PYDC1: variants seen among roughly 807,000 people sequenced by gnomAD.
PYDC1 encodes pyrin domain-containing protein 1.
Under a neutral mutation model 0.7 loss-of-function variants are expected in PYDC1, and 1 was observed. The ratio of observed to expected loss-of-function variants is 1.39; its 90% CI spans 0.49 to 6.61. The LOEUF (loss-of-function observed/expected upper bound fraction) is 6.61. PYDC1 is among the 30% of genes most tolerant of loss of function. The pLI, the probability that PYDC1 is intolerant of heterozygous loss-of-function variation, is 0.14. For missense variants in PYDC1, 129 were observed against 124.8 expected, an observed-to-expected ratio of 1.03 and a Z score of -0.16; for synonymous variants, 37 against 60.9, an observed-to-expected ratio of 0.61 and a Z score of 1.83.
Position 31,216,694 on chromosome 16 carries a change from C to A in PYDC1, c.*16+49G>T. 1 of 1,538,564 alleles carries A rather than the reference C, an allele frequency of 6.5e-7. No homozygotes were observed. Among genetic ancestry groups the A allele is most frequent in the African/African-American group, 1.4e-5 (1 of 73,772 alleles). On this transcript the variant is annotated intron_variant, in intron 1 of 1. Transcript: ENST00000302964. This position sits in a 1 kb window ranked among gnomAD's most constrained non-coding sequence, Gnocchi z 6.7. Reference sequence around the variant, plus strand: ...CAGGAAGGCTCTGGGCGGGACCTGACGCGTGGGTCCTTGGCGAGGAAGCGG... The same window carrying A: ...CAGGAAGGCTCTGGGCGGGACCTGAAGCGTGGGTCCTTGGCGAGGAAGCGG...
rs1288507691 is a variant in PYDC1 at position 31,216,494 on chromosome 16, A to C, written c.*16+249T>G. On this transcript the variant is annotated intron_variant, in intron 1 of 1. Coordinates refer to ENST00000302964, the MANE Select transcript of PYDC1 (RefSeq NM_152901.4). This position sits in a 1 kb window ranked among gnomAD's most constrained non-coding sequence, Gnocchi z 6.7. Reference sequence around the variant, plus strand: ...CAACCTTGCCCGTCTTTATCTGCGAAGAAAGCACAGAACCCATGAAACGGA... The same window carrying C: ...CAACCTTGCCCGTCTTTATCTGCGACGAAAGCACAGAACCCATGAAACGGA... 2.4e-6 allele frequency: 1 copy of C among 416,620 alleles called. No homozygotes were observed. The highest frequency in any genetic ancestry group is 4.2e-6 in the Non-Finnish European group (1 of 236,300). The allele number at this position is 416,620 out of a possible 1,614,324, so 25.8% of individuals were successfully genotyped here. A position where few individuals can be genotyped will look rare whatever the true frequency, so the allele number is the denominator to read the frequency against.
chr16:31,216,433 CAAAA>C lies in PYDC1; in HGVS notation c.*17-280_*17-277del, dbSNP rs1445346220. On this transcript the variant is annotated intron_variant, in intron 1 of 1. Coordinates refer to ENST00000302964, the MANE Select transcript of PYDC1 (RefSeq NM_152901.4). The surrounding 1 kb of genome is among the most constrained non-coding windows in gnomAD (Gnocchi z 6.7). ...AATCTTGCTGCCGCTAAAAAAAAAACAAAAAACAAACAAACAAAAAAAACCCAAC... is the reference window on the plus strand; with the variant it reads ...AATCTTGCTGCCGCTAAAAAAAAAACAACAAACAAACAAAAAAAACCCAAC... 1 of 332,994 alleles carries C rather than the reference CAAAA, an allele frequency of 3.0e-6. No individual in the cohort carries two copies. The highest frequency in any genetic ancestry group is 2.1e-5 in the African/African-American group (1 of 46,594). The allele number at this position is 332,994 out of a possible 1,614,324, so 20.6% of individuals were successfully genotyped here.
Position 31,216,463 on chromosome 16 carries a change from C to A in PYDC1, c.*16+280G>T. 2.5e-6 allele frequency: 1 copy of A among 397,480 alleles called. No homozygotes were observed. Among genetic ancestry groups the A allele is most frequent in the Non-Finnish European group, 4.5e-6 (1 of 224,076 alleles). 24.6% of individuals were successfully genotyped at this position (397,480 alleles called of 1,614,324 possible). ...AACAAACAAACAAAAAAAACCCAAC[C>A]TCGCCCAACCTTGCCCGTCTTTATC... On this transcript the variant is annotated intron_variant, in intron 1 of 1. Coordinates refer to ENST00000302964, the MANE Select transcript of PYDC1 (RefSeq NM_152901.4). The surrounding 1 kb of genome is among the most constrained non-coding windows in gnomAD (Gnocchi z 6.7).
Position 31,216,645 on chromosome 16 carries a change from A to G in PYDC1, c.*16+98T>C, listed in dbSNP as rs1382748213. ...GGCCGGAGGTCTGAGGGAGGACCCC[A>G]GGAGGGACCCTGAAGGAGGGGAACA... is the stretch of plus-strand genomic sequence containing the variant. On this transcript the variant is annotated intron_variant, in intron 1 of 1. Coordinates refer to ENST00000302964, the MANE Select transcript of PYDC1 (RefSeq NM_152901.4). This position sits in a 1 kb window ranked among gnomAD's most constrained non-coding sequence, Gnocchi z 6.7. The G allele has an allele frequency of 3.0e-6, 4 of 1,318,830 alleles. No individual in the cohort carries two copies. In the African/African-American group the frequency reaches 5.8e-5, roughly 19 times the overall value. The allele number at this position is 1,318,830 out of a possible 1,614,324, so 81.7% of individuals were successfully genotyped here.
In PYDC1 at chr16:31,216,977, C is replaced by G; in HGVS notation, c.52G>C (p.Glu18Gln). The G allele has an allele frequency of 6.2e-7, 1 of 1,614,164 alleles. No homozygotes were observed. The highest frequency in any genetic ancestry group is 8.5e-7 in the Non-Finnish European group (1 of 1,180,006). The change falls in exon 1 of 2, where the codon GAG becomes CAG. Residue 18 changes from glutamate to glutamine, a missense_variant. Transcript: ENST00000302964. This position sits in a 1 kb window ranked among gnomAD's most constrained non-coding sequence, Gnocchi z 6.7. ...TTCATCTTGAACTTCTTGAGCTCCT[C>G]CGGTGTCAGGTTCTCCAGCACCTTC... The part of the protein sequence containing the change: ...ILKVLENLTP[E>Q]ELKKFKMKLG...
In PYDC1 at chr16:31,216,634, G is replaced by A; in HGVS notation, c.*16+109C>T. 1 of 1,206,852 alleles carries A rather than the reference G, an allele frequency of 8.3e-7. No individual in the cohort carries two copies. Among genetic ancestry groups the A allele is most frequent in the Middle Eastern group, 3.0e-4 (1 of 3,386 alleles). 74.8% of individuals were successfully genotyped at this position (1,206,852 alleles called of 1,614,324 possible). A position where few individuals can be genotyped will look rare whatever the true frequency, so the allele number is the denominator to read the frequency against. On this transcript the variant is annotated intron_variant, in intron 1 of 1. Transcript: ENST00000302964. The surrounding 1 kb of genome is among the most constrained non-coding windows in gnomAD (Gnocchi z 6.7). ...CGGGAGGGGCTGGCCGGAGGTCTGA[G>A]GGAGGACCCCAGGAGGGACCCTGAA...
In PYDC1 at chr16:31,217,051, C is replaced by T; in HGVS notation, c.-23G>A. 6.3e-7 allele frequency: 1 copy of T among 1,599,902 alleles called. No individual in the cohort carries two copies. Among genetic ancestry groups the T allele is most frequent in the Non-Finnish European group, 8.5e-7 (1 of 1,169,856 alleles). ...CATGGCTCAGCCCTGCGCCTCTGAG[C>T]CTCCGAGGGCCTGGAGCCATCAGGT... On this transcript the variant is annotated 5_prime_UTR_variant, in exon 1 of 2. Coordinates refer to ENST00000302964, the MANE Select transcript of PYDC1 (RefSeq NM_152901.4).
Position 31,216,466 on chromosome 16 carries a change from G to A in PYDC1, c.*16+277C>T. The A allele has an allele frequency of 2.6e-6, 1 of 391,128 alleles. No individual in the cohort carries two copies. 24.2% of individuals were successfully genotyped at this position (391,128 alleles called of 1,614,324 possible). Reference sequence around the variant, plus strand: ...AAACAAACAAAAAAAACCCAACCTCGCCCAACCTTGCCCGTCTTTATCTGC... The same window carrying A: ...AAACAAACAAAAAAAACCCAACCTCACCCAACCTTGCCCGTCTTTATCTGC... On this transcript the variant is annotated intron_variant, in intron 1 of 1. Coordinates refer to ENST00000302964, the MANE Select transcript of PYDC1 (RefSeq NM_152901.4). This position sits in a 1 kb window ranked among gnomAD's most constrained non-coding sequence, Gnocchi z 6.7.
chr16:31,216,647 G>A lies in PYDC1; in HGVS notation c.*16+96C>T. 1 of 1,334,216 alleles carries A rather than the reference G, an allele frequency of 7.5e-7. No homozygotes were observed. The highest frequency in any genetic ancestry group is 1.4e-5 in the South Asian group (1 of 73,010). The allele number at this position is 1,334,216 out of a possible 1,614,324, so 82.6% of individuals were successfully genotyped here. On this transcript the variant is annotated intron_variant, in intron 1 of 1. Coordinates refer to ENST00000302964, the MANE Select transcript of PYDC1 (RefSeq NM_152901.4). The surrounding 1 kb of genome is among the most constrained non-coding windows in gnomAD (Gnocchi z 6.7). ...CCGGAGGTCTGAGGGAGGACCCCAG[G>A]AGGGACCCTGAAGGAGGGGAACAGG...
Position 31,217,002 on chromosome 16 carries a change from C to G in PYDC1, c.27G>C (p.Leu9=), listed in dbSNP as rs1230460451. 1.2e-6 allele frequency: 2 copies of G among 1,613,614 alleles called. No individual in the cohort carries two copies. Among genetic ancestry groups the G allele is most frequent in the African/African-American group, 2.7e-5 (2 of 74,940 alleles). MGTKREAI[L]KVLENLTPEE... ...CCGGTGTCAGGTTCTCCAGCACCTT[C>G]AGGATGGCCTCGCGCTTCGTTCCCA... The change falls in exon 1 of 2, where the codon CTG becomes CTC. Residue 9 remains leucine, a synonymous_variant. Transcript: ENST00000302964.
Position 31,217,123 on chromosome 16 carries a change from C to T in PYDC1, c.-95G>A. On this transcript the variant is annotated 5_prime_UTR_variant, in exon 1 of 2. Transcript: ENST00000302964. ...GGAGCTGCCGCCCCCGGGGATGTCC[C>T]GGGAAGGAGACTGATCTGGCAGCTC... The T allele has an allele frequency of 4.4e-6, 6 of 1,350,216 alleles. No individual in the cohort carries two copies. The highest frequency in any genetic ancestry group is 6.1e-6 in the Non-Finnish European group (6 of 990,644). The allele number at this position is 1,350,216 out of a possible 1,614,324, so 83.6% of individuals were successfully genotyped here.
At position 31,216,931 on chromosome 16, in the gene PYDC1, C is replaced by A; in HGVS notation, c.98G>T (p.Arg33Leu). 1 of 1,614,152 alleles carries A rather than the reference C, an allele frequency of 6.2e-7. No homozygotes were observed. The highest frequency in any genetic ancestry group is 8.5e-7 in the Non-Finnish European group (1 of 1,180,040). ...FKMKLGTVPL[R>L]EGFERIPRGA... is the part of the protein sequence containing the mutation. ...CCGCGGGATGCGCTCAAAGCCCTCG[C>A]GCAGCGGCACCGTCCCCAGCTTCAT... Residue 33 changes from arginine (R) to leucine (L), a missense_variant, in exon 1 of 2, where the codon CGC (arginine) becomes CTC (leucine). Arg to Leu is a moderately radical substitution (Grantham distance 102). Transcript: ENST00000302964. The surrounding 1 kb of genome is among the most constrained non-coding windows in gnomAD (Gnocchi z 6.7).
Position 31,216,659 on chromosome 16 carries a change from A to G in PYDC1, c.*16+84T>C. 7.1e-7 allele frequency: 1 copy of G among 1,410,110 alleles called. No individual in the cohort carries two copies. Among genetic ancestry groups the G allele is most frequent in the Non-Finnish European group, 9.6e-7 (1 of 1,041,380 alleles). The allele number at this position is 1,410,110 out of a possible 1,614,324, so 87.3% of individuals were successfully genotyped here. ...GGGAGGACCCCAGGAGGGACCCTGA[A>G]GGAGGGGAACAGGAAGGCTCTGGGC... On this transcript the variant is annotated intron_variant, in intron 1 of 1. Coordinates refer to ENST00000302964, the MANE Select transcript of PYDC1 (RefSeq NM_152901.4). The surrounding 1 kb of genome is among the most constrained non-coding windows in gnomAD (Gnocchi z 6.7).
Position 31,216,960 on chromosome 16 carries a change from G to GGGGC in PYDC1, c.68_69insGCCC (p.Phe23LeufsTer16), listed in dbSNP as rs1179179958. ...GCGGCACCGTCCCCAGCTTCATCTT[G>GGGGC]AACTTCTTGAGCTCCTCCGGTGTCA... On this transcript the variant is annotated frameshift_variant, in exon 1 of 2. Coordinates refer to ENST00000302964, the MANE Select transcript of PYDC1 (RefSeq NM_152901.4). LOFTEE classifies it low-confidence loss of function (END_TRUNC). This position sits in a 1 kb window ranked among gnomAD's most constrained non-coding sequence, Gnocchi z 6.7. 7 of 1,614,042 alleles carry GGGGC rather than the reference G, an allele frequency of 4.3e-6. No homozygotes were observed. The highest frequency in any genetic ancestry group is 5.9e-6 in the Non-Finnish European group (7 of 1,180,030).
rs900803410 is a variant in PYDC1 at position 31,216,436 on chromosome 16, AAAAC to A, written c.*17-283_*17-280del. 7.9e-5 allele frequency: 28 copies of A among 352,702 alleles called. No homozygotes were observed. The highest frequency in any genetic ancestry group is 2.4e-4 in the Admixed American group (5 of 21,160). 21.8% of individuals were successfully genotyped at this position (352,702 alleles called of 1,614,324 possible). Reference sequence around the variant, plus strand: ...CTTGCTGCCGCTAAAAAAAAAACAAAAAACAAACAAACAAAAAAAACCCAACCTC... The same window carrying A: ...CTTGCTGCCGCTAAAAAAAAAACAAAAAACAAACAAAAAAAACCCAACCTC... On this transcript the variant is annotated intron_variant, in intron 1 of 1. Transcript: ENST00000302964. The surrounding 1 kb of genome is among the most constrained non-coding windows in gnomAD (Gnocchi z 6.7).
rs1331008496 is a variant in PYDC1, at chr16:31,216,688, AC to A, written c.*16+54del. On this transcript the variant is annotated intron_variant, in intron 1 of 1. Transcript: ENST00000302964. The surrounding 1 kb of genome is among the most constrained non-coding windows in gnomAD (Gnocchi z 6.7). ...GGGGAACAGGAAGGCTCTGGGCGGGACCTGACGCGTGGGTCCTTGGCGAGGA... is the reference window on the plus strand; with the variant it reads ...GGGGAACAGGAAGGCTCTGGGCGGGACTGACGCGTGGGTCCTTGGCGAGGA... The A allele has an allele frequency of 6.6e-7, 1 of 1,526,166 alleles. No homozygotes were observed. Among genetic ancestry groups the A allele is most frequent in the African/African-American group, 1.4e-5 (1 of 73,356 alleles). 94.5% of individuals were successfully genotyped at this position (1,526,166 alleles called of 1,614,324 possible).
At position 31,216,742 on chromosome 16, in the gene PYDC1, C is replaced by A. The variant is rs577520252; in HGVS notation, c.*16+1G>T. ...CGGGGTTGGGTCCCGAGATCACGTACCAGCTCAGAGTGGCCCTCACGCAGC... is the reference window on the plus strand; with the variant it reads ...CGGGGTTGGGTCCCGAGATCACGTAACAGCTCAGAGTGGCCCTCACGCAGC... On this transcript the variant is annotated splice_donor_variant, in intron 1 of 1. Transcript: ENST00000302964. LOFTEE classifies it low-confidence loss of function (3UTR_SPLICE). The surrounding 1 kb of genome is among the most constrained non-coding windows in gnomAD (Gnocchi z 6.7). 374 of 1,586,896 alleles carry A rather than the reference C, an allele frequency of 2.4e-4. 4 individuals carry two copies. In the East Asian group the frequency reaches 8.3e-3, roughly 35 times the overall value.
chr16:31,216,422 T>TC lies in PYDC1; in HGVS notation c.*17-266_*17-265insG. On this transcript the variant is annotated intron_variant, in intron 1 of 1. Coordinates refer to ENST00000302964, the MANE Select transcript of PYDC1 (RefSeq NM_152901.4). This position sits in a 1 kb window ranked among gnomAD's most constrained non-coding sequence, Gnocchi z 6.7. ...TCTTTGCAATAAATCTTGCTGCCGCTAAAAAAAAAACAAAAAACAAACAAA... is the reference window on the plus strand; with the variant it reads ...TCTTTGCAATAAATCTTGCTGCCGCTCAAAAAAAAAACAAAAAACAAACAAA... 7.3e-6 allele frequency: 2 copies of TC among 272,618 alleles called. No individual in the cohort carries two copies. The highest frequency in any genetic ancestry group is 6.4e-5 in the East Asian group (1 of 15,580). The allele number at this position is 272,618 out of a possible 1,614,324, so 16.9% of individuals were successfully genotyped here. A position where few individuals can be genotyped will look rare whatever the true frequency, so the allele number is the denominator to read the frequency against.
rs745624026 is a variant in PYDC1, at chr16:31,216,755, G to A, written c.*4C>T. The A allele has an allele frequency of 1.3e-6, 2 of 1,597,274 alleles. No individual in the cohort carries two copies. Among genetic ancestry groups the A allele is most frequent in the African/African-American group, 1.3e-5 (1 of 74,778 alleles). ...CGAGATCACGTACCAGCTCAGAGTG[G>A]CCCTCACGCAGCCCGCTGCAGCCGT... is the stretch of plus-strand genomic sequence containing the variant. On this transcript the variant is annotated 3_prime_UTR_variant, in exon 1 of 2. Transcript: ENST00000302964. This position sits in a 1 kb window ranked among gnomAD's most constrained non-coding sequence, Gnocchi z 6.7.
Sources: gnomAD v4.1 joint callset for allele counts on GRCh38, gnomAD v4.1.1 for gene constraint, Gnocchi (gnomAD v3.1) non-coding constraint, MANE v1.5 for transcripts, NCBI Gene and HGNC (gene_info 2026-07-23, HGNC 2026-07-21) for gene names.